CCDC192: variants seen among roughly 807,000 people sequenced by gnomAD.
CCDC192 encodes the protein coiled-coil domain-containing protein 192.
chr5:127,909,292 A>G (rs1173499587), intron 6 of CCDC192, among the ~76,000 whole-genome samples: 1 of 152,132 alleles, frequency 6.6e-6, no homozygotes, highest in Non-Finnish European at 1.5e-5. Context: ...ACTGGCCACA[A>G]GTAGGAGCAC....
At chr5:127,872,352 A>G (rs752358483) in intron 5 of CCDC192, among the ~76,000 whole-genome samples, 2 of 152,236 alleles carry the variant, frequency 1.3e-5, no homozygotes, top group African/African-American at 2.4e-5. Context: ...AGGGACGCAC[A>G]GGCTTTGTTA....
chr5:127,713,250 T>A (rs1484461201), intron 2 of CCDC192, among the ~76,000 whole-genome samples: 3 of 148,900 alleles, frequency 2.0e-5, no homozygotes, highest in Non-Finnish European at 3.0e-5. Flanking sequence ...AAAAAAAAAT[T>A]TAGTCGTTCT....
chr5:127,936,578 A>C (rs1007506000), intron 6 of CCDC192, among the ~76,000 whole-genome samples: 5 of 77,394 alleles, frequency 6.5e-5, no homozygotes, highest in Non-Finnish European at 1.4e-4. Context: ...ATTTTAAGTC[A>C]TAGAAGAAAG....
At chr5:127,885,191 C>G (rs143768338) in intron 6 of CCDC192, among the ~76,000 whole-genome samples, 12 of 152,122 alleles carry the variant, frequency 7.9e-5, no homozygotes, top group Non-Finnish European at 1.3e-4. Flanking sequence ...AAATGTCAGA[C>G]AAAGCACAAG....
intron 3 of CCDC192, among the ~76,000 whole-genome samples, chr5:127,780,970 A>G (rs1425764786): frequency 6.6e-6 from 1 of 152,172 alleles, no homozygotes; most frequent in East Asian, 1.9e-4. Context: ...AGCACATAAG[A>G]TTTAAATCCT....
chr5:127,833,574 A>G (rs1749896701), intron 5 of CCDC192, among the ~76,000 whole-genome samples: 1 of 152,146 alleles, frequency 6.6e-6, no homozygotes, highest in South Asian at 2.1e-4. Flanking sequence ...TAGAAGGATA[A>G]TATTTTTGTT....
rs78569444 is a variant in CCDC192 at position 127,723,562 on chromosome 5, A to G, written c.114+15802A>G. ...AGTCTGACTTTGAAAGCACAGTTCA[A>G]TTGCTATGATCTGAAGAAAATTACT... On this transcript the variant is annotated intron_variant, in intron 2 of 6. Coordinates refer to ENST00000514853, the MANE Select transcript of CCDC192 (RefSeq NM_001317938.2). Among the ~76,000 whole-genome samples the G allele has an allele frequency of 4.1e-3, 630 of 152,358 alleles. 8 individuals carry two copies. Among genetic ancestry groups the G allele is most frequent in the African/African-American group, 0.014 (583 of 41,578 alleles).
intron 6 of CCDC192, among the ~76,000 whole-genome samples, chr5:127,930,252 CTAAAA>C (rs1186478659): frequency 2.9e-5 from 4 of 137,092 alleles, no homozygotes; most frequent in African/African-American, 8.2e-5. Flanking sequence ...CTAAACTAAA[CTAAAA>C]TAAAAAGATG....
chr5:127,726,768 C>G lies in CCDC192; in HGVS notation c.114+19008C>G, dbSNP rs530855926. On this transcript the variant is annotated intron_variant, in intron 2 of 6. Transcript: ENST00000514853. ...GGTTTACGGACAGAGCTTTGATCTCCCTGGGATGAAACCCTGGGGTAAGGG... is the reference window on the plus strand; with the variant it reads ...GGTTTACGGACAGAGCTTTGATCTCGCTGGGATGAAACCCTGGGGTAAGGG... Among the ~76,000 whole-genome samples the G allele has an allele frequency of 2.2e-3, 328 of 152,306 alleles. 1 individual carries two copies. Among genetic ancestry groups the G allele is most frequent in the Non-Finnish European group, 3.8e-3 (257 of 68,014 alleles).
chr5:127,749,139 C>T (rs1753967917), intron 2 of CCDC192, among the ~76,000 whole-genome samples: 1 of 152,056 alleles, frequency 6.6e-6, no homozygotes, highest in African/African-American at 2.4e-5. Flanking sequence ...GCCAGAACTT[C>T]CAACACTATG....
chr5:127,827,384 C>G (rs1749579598), intron 5 of CCDC192, among the ~76,000 whole-genome samples: 1 of 152,104 alleles, frequency 6.6e-6, no homozygotes, highest in Non-Finnish European at 1.5e-5. Flanking sequence ...TCTTGGGCCA[C>G]ACAAAATATC....
intron 3 of CCDC192, among the ~76,000 whole-genome samples, chr5:127,779,865 T>C (rs149246712): frequency 0.051 from 7,685 of 152,108 alleles, 659 homozygotes; most frequent in African/African-American, 0.18. Context: ...CTATTTGTAA[T>C]CTTTTATCCC....
intron 3 of CCDC192, among the ~76,000 whole-genome samples, chr5:127,787,474 T>C (rs1189066447): frequency 1.3e-5 from 2 of 152,226 alleles, no homozygotes; most frequent in Non-Finnish European, 2.9e-5. Context: ...TGCCTTGTGA[T>C]TTTTTCTTTG....
Position 127,719,550 on chromosome 5 carries a change from T to TACACAC in CCDC192, c.114+11791_114+11792insCACACA, listed in dbSNP as rs1561445051. On this transcript the variant is annotated intron_variant, in intron 2 of 6. Transcript: ENST00000514853. The stretch of plus-strand genomic sequence containing the variant: ...ACACACATACATATATATATATATA[T>TACACAC]ATATATATACACACATACATATATA... Among the ~76,000 whole-genome samples, 77 of 64,522 alleles carry TACACAC rather than the reference T, an allele frequency of 1.2e-3. 2 individuals carry two copies. In the East Asian group the frequency reaches 0.046, roughly 38 times the overall value. 42.3% of individuals were successfully genotyped at this position (64,522 alleles called of 152,430 possible).
At chr5:127,801,527 A>G (rs1374004890) in intron 5 of CCDC192, among the ~76,000 whole-genome samples, 2 of 152,102 alleles carry the variant, frequency 1.3e-5, no homozygotes, top group Non-Finnish European at 2.9e-5. Context: ...TGGAGCTGCT[A>G]TCTTTCTTTA....
chr5:127,777,187 A>ACAG (rs1755918884), intron 3 of CCDC192, among the ~76,000 whole-genome samples: 1 of 152,268 alleles, frequency 6.6e-6, no homozygotes, highest in Non-Finnish European at 1.5e-5. Context: ...CTGCAAAGCC[A>ACAG]CAGCGGCAAA....
At chr5:127,912,362 C>T (rs1433055790) in intron 6 of CCDC192, among the ~76,000 whole-genome samples, 1 of 122,582 alleles carries the variant, frequency 8.2e-6, no homozygotes, top group African/African-American at 3.2e-5. Context: ...CAGAGTACAA[C>T]AATGGGTTGT....
chr5:127,837,220 A>G lies in CCDC192; in HGVS notation c.412-38318A>G, dbSNP rs1750066942. On this transcript the variant is annotated intron_variant, in intron 5 of 6. Transcript: ENST00000514853. ...ACTCTCTGAGATACCAAATTACTGTATTAGTCCTTTTTCACACTGCTATAA... is the reference window on the plus strand; with the variant it reads ...ACTCTCTGAGATACCAAATTACTGTGTTAGTCCTTTTTCACACTGCTATAA... Among the ~76,000 whole-genome samples, 2 of 81,218 alleles carry G rather than the reference A, an allele frequency of 2.5e-5. 1 individual carries two copies. The highest frequency in any genetic ancestry group is 5.9e-5 in the Non-Finnish European group (2 of 34,102). The allele number at this position is 81,218 out of a possible 152,430, so 53.3% of individuals were successfully genotyped here.
rs1238842395 is a variant in CCDC192 at position 127,866,545 on chromosome 5, C to G, written c.412-8993C>G. ...TTGCAGCTATATAATATTCAACTTA[C>G]AGATAATACTGTAAAGTCATGTGCT... On this transcript the variant is annotated intron_variant, in intron 5 of 6. Transcript: ENST00000514853. 2.0e-5 allele frequency among the ~76,000 whole-genome samples: 3 copies of G among 150,478 alleles called. No homozygotes were observed. In the East Asian group the frequency reaches 5.8e-4, roughly 29 times the overall value.
Sources: gnomAD v4.1 joint callset for allele counts (sites outside exome capture counted in the v4.1 genomes callset) on GRCh38, gnomAD v4.1.1 for gene constraint, MANE v1.5 for transcripts, NCBI Gene and HGNC (gene_info 2026-07-23, HGNC 2026-07-21) for gene names.